The following AUTS2 variants were observed in gnomAD, a reference collection of about 807,000 sequenced individuals.
The protein encoded by AUTS2 is activator of transcription and developmental regulator AUTS2.
Under a neutral mutation model 112.4 loss-of-function variants are expected in AUTS2, and 17 were observed. The observed-to-expected ratio is 0.15, with a 90% CI of 0.10 to 0.23. The LOEUF is 0.23. Ranked by LOEUF, AUTS2 falls within the 10% of genes least tolerant of loss-of-function variation. AUTS2 has a pLI of 1.00. For missense variants in AUTS2, 1,510 were observed against 1,701.6 expected (o/e 0.89, Z 1.98); for synonymous variants, 751 against 702.7 (o/e 1.07, Z -1.09).
chr7:70,485,537 C>T (rs915031008), intron 5 of AUTS2, among the ~76,000 whole-genome samples: 4 of 152,032 alleles, frequency 2.6e-5, no homozygotes, highest in Admixed American at 1.3e-4. Flanking sequence ...GCTCAGGTGA[C>T]GGCTGCACCA....
intron 5 of AUTS2, among the ~76,000 whole-genome samples, chr7:70,529,605 T>C (rs1242927202): frequency 6.6e-6 from 1 of 152,236 alleles, no homozygotes; most frequent in Non-Finnish European, 1.5e-5. Context: ...GCTCCTGCCT[T>C]TCATCCCAGG....
chr7:70,063,678 C>T (rs1458672440), intron 2 of AUTS2, among the ~76,000 whole-genome samples: 1 of 152,138 alleles, frequency 6.6e-6, no homozygotes, highest in Non-Finnish European at 1.5e-5. Context: ...GGCCATTTTG[C>T]CTGAGTTTTT....
chr7:70,735,849 A>G (rs529110694), intron 6 of AUTS2, among the ~76,000 whole-genome samples: 2 of 152,284 alleles, frequency 1.3e-5, no homozygotes, highest in East Asian at 1.9e-4. Context: ...TTGGAGGGAC[A>G]AGAGACTTCA....
At chr7:70,696,449 G>A (rs559948955) in intron 5 of AUTS2, among the ~76,000 whole-genome samples, 1 of 152,228 alleles carries the variant, frequency 6.6e-6, no homozygotes, top group African/African-American at 2.4e-5. Context: ...GCCAAGTAAG[G>A]GCTTAGAAAG....
chr7:70,528,807 TA>T (rs35865901), intron 5 of AUTS2, among the ~76,000 whole-genome samples: 20,965 of 142,628 alleles, frequency 0.15, 1,914 homozygotes, highest in African/African-American at 0.28. Flanking sequence ...GATCTCATCT[TA>T]AAAAAAAAAA....
intron 6 of AUTS2, among the ~76,000 whole-genome samples, chr7:70,710,634 A>C (rs1809998934): frequency 6.6e-6 from 1 of 152,234 alleles, no homozygotes; most frequent in Non-Finnish European, 1.5e-5. Context: ...GAGGTGGCAC[A>C]CACCAAAATC....
intron 5 of AUTS2, among the ~76,000 whole-genome samples, chr7:70,578,652 T>G (rs1802285270): frequency 6.6e-6 from 1 of 152,202 alleles, no homozygotes; most frequent in Non-Finnish European, 1.5e-5. Context: ...CCCTCTTCAT[T>G]ATTTTTCCCA....
At chr7:70,377,355 T>TATATATATATATATATATAGTG (rs1793151158) in intron 4 of AUTS2, among the ~76,000 whole-genome samples, 7 of 116,300 alleles carry the variant, frequency 6.0e-5, no homozygotes, top group Non-Finnish European at 1.0e-4. Context: ...TATATATATA[T>TATATATATATATATATATAGTG]ATATATATAT....
chr7:70,301,975 G>A (rs186068583), intron 4 of AUTS2, among the ~76,000 whole-genome samples: 16 of 151,508 alleles, frequency 1.1e-4, no homozygotes, highest in African/African-American at 3.4e-4. Flanking sequence ...GCGCATTCTC[G>A]CCATATTGCC....
At chr7:69,994,731 T>C (rs1027335658) in intron 2 of AUTS2, among the ~76,000 whole-genome samples, 5 of 152,218 alleles carry the variant, frequency 3.3e-5, no homozygotes, top group African/African-American at 1.2e-4. Flanking sequence ...GATGCTTCTC[T>C]GTCTTCAGGT....
At chr7:70,021,093 C>A (rs1160494739) in intron 2 of AUTS2, among the ~76,000 whole-genome samples, 1 of 152,192 alleles carries the variant, frequency 6.6e-6, no homozygotes, top group African/African-American at 2.4e-5. Context: ...AGCGATTCTC[C>A]TGCCTCAGCC....
intron 1 of AUTS2, among the ~76,000 whole-genome samples, chr7:69,859,592 A>G (rs1353265368): frequency 6.6e-6 from 1 of 152,170 alleles, no homozygotes; most frequent in Non-Finnish European, 1.5e-5. Flanking sequence ...TCTCTTGTGG[A>G]TGTTTGCTTT....
intron 5 of AUTS2, among the ~76,000 whole-genome samples, chr7:70,502,558 C>T (rs1798809813): frequency 6.6e-6 from 1 of 152,140 alleles, no homozygotes; most frequent in South Asian, 2.1e-4. Context: ...GCTTGTAGAA[C>T]TTAGGATCTC....
chr7:69,856,810 G>A (rs1037119854), intron 1 of AUTS2, among the ~76,000 whole-genome samples: 1 of 152,104 alleles, frequency 6.6e-6, no homozygotes, highest in Non-Finnish European at 1.5e-5. Context: ...TTGGATCAGC[G>A]GATTCAGTGC....
intron 5 of AUTS2, among the ~76,000 whole-genome samples, chr7:70,528,890 G>A (rs1018954441): frequency 1.3e-5 from 2 of 152,014 alleles, no homozygotes; most frequent in South Asian, 2.1e-4. Flanking sequence ...AAAAAGTAAG[G>A]GTGGGCAAAG....
At chr7:70,788,798 A>T (rs925124065) in intron 18 of AUTS2, among the ~76,000 whole-genome samples, 2 of 152,208 alleles carry the variant, frequency 1.3e-5, no homozygotes, top group Non-Finnish European at 2.9e-5. Flanking sequence ...ACCAGCACCA[A>T]GCCAGCATGG....
chr7:70,327,496 A>C (rs191774280), intron 4 of AUTS2, among the ~76,000 whole-genome samples: 2 of 152,222 alleles, frequency 1.3e-5, no homozygotes, highest in Non-Finnish European at 2.9e-5. Flanking sequence ...ATTTGCCTTG[A>C]GAATAGTACT....
At chr7:69,820,574 A>T (rs180795582) in intron 1 of AUTS2, among the ~76,000 whole-genome samples, 1 of 152,254 alleles carries the variant, frequency 6.6e-6, no homozygotes, top group African/African-American at 2.4e-5. Context: ...AGGGCTTCCT[A>T]TAGGGCACAG....
At chr7:70,347,607 C>A (rs1252331291) in intron 4 of AUTS2, among the ~76,000 whole-genome samples, 1 of 152,184 alleles carries the variant, frequency 6.6e-6, no homozygotes, top group Admixed American at 6.5e-5. Context: ...TACACTTCCC[C>A]CTCTTAGATG....
Sources: gnomAD v4.1 joint callset for allele counts (sites outside exome capture counted in the v4.1 genomes callset) on GRCh38, gnomAD v4.1.1 for gene constraint, MANE v1.5 for transcripts, NCBI Gene and HGNC (gene_info 2026-07-23, HGNC 2026-07-21) for gene names.